Variants in SERPINB13 observed in about 807,000 individuals in gnomAD.
SERPINB13 encodes the protein serpin B13.
A neutral mutation model predicts 31.2 loss-of-function variants in SERPINB13; 26 were observed. That is an observed-to-expected ratio of 0.83 (90% CI 0.61 to 1.15). The LOEUF is 1.15. Ranked by LOEUF, SERPINB13 falls within the 50% of genes most tolerant of loss-of-function variation. SERPINB13 has a pLI of 0.00. For missense variants in SERPINB13, 510 were observed against 469.4 expected, an observed-to-expected ratio of 1.09 and a Z score of -0.80; for synonymous variants, 191 against 172.4, an observed-to-expected ratio of 1.11 and a Z score of -0.85.
chr18:63,594,065 C>A, intron 5 of SERPINB13: 1 of 974,484 alleles, frequency 1.0e-6, no homozygotes, highest in Non-Finnish European at 1.5e-6. Context: ...ATAACTTGCC[C>A]AAGATTCCTC....
intron 1 of SERPINB13, among the ~76,000 whole-genome samples, chr18:63,587,733 A>G (rs1172437070): frequency 6.6e-6 from 1 of 152,262 alleles, no homozygotes; most frequent in Non-Finnish European, 1.5e-5. Flanking sequence ...TTGAGGGCAA[A>G]AGGCCCCAAA....
Position 63,588,780 on chromosome 18 carries a change from T to G in SERPINB13, c.113T>G (p.Ile38Ser). Reference protein sequence around the residue: ...FFSPVGILTAIGMVLLGTRGA... With the variant: ...FFSPVGILTASGMVLLGTRGA... ...TCCCCTGTGGGCATCTTGACTGCAA[T>G]TGGCATGGTCCTCCTGGGGACCCGA... is the stretch of plus-strand genomic sequence containing the variant. Residue 38 changes from isoleucine (I) to serine (S), a missense_variant, in exon 2 of 8, where the codon ATT becomes AGT. Ile to Ser is a moderately radical substitution (Grantham distance 142). Coordinates refer to ENST00000344731, the MANE Select transcript of SERPINB13 (RefSeq NM_012397.4). 6.2e-7 allele frequency: 1 copy of G among 1,614,178 alleles called. No homozygotes were observed. Among genetic ancestry groups the G allele is most frequent in the Non-Finnish European group, 8.5e-7 (1 of 1,180,022 alleles).
At chr18:63,589,589 C>T (rs1568143509) in intron 2 of SERPINB13, 67 bp from the exon 3 acceptor site, 1 of 1,577,812 alleles carries the variant, frequency 6.3e-7, no homozygotes, top group African/African-American at 1.4e-5. Flanking sequence ...TCCACTCTCC[C>T]CTGACTGATT....
At chr18:63,591,108 G>GA (rs1228429404) in intron 3 of SERPINB13, among the ~76,000 whole-genome samples, 2 of 152,186 alleles carry the variant, frequency 1.3e-5, no homozygotes. Context: ...CCCTTAGGCT[G>GA]ATGTATAACA....
At chr18:63,596,502 T>C (rs1433726645) in intron 7 of SERPINB13, among the ~76,000 whole-genome samples, 9 of 152,248 alleles carry the variant, frequency 5.9e-5, no homozygotes, top group Admixed American at 5.9e-4. Flanking sequence ...GTAAAGTGAA[T>C]GAATAGCTAA....
chr18:63,588,885 G>A (rs990248161), intron 2 of SERPINB13, 53 bp downstream of exon 2: 23 of 1,420,760 alleles, frequency 1.6e-5, no homozygotes, highest in East Asian at 2.5e-5. Flanking sequence ...TTCATTTGGC[G>A]GGGGGGTTGT....
intron 3 of SERPINB13, among the ~76,000 whole-genome samples, chr18:63,591,655 G>A (rs1207258191): frequency 2.0e-5 from 3 of 151,992 alleles, no homozygotes; most frequent in Admixed American, 6.5e-5. Flanking sequence ...TAAGAACTTA[G>A]TATGAGAAAG....
At chr18:63,591,835 C>G (rs372052546) in intron 3 of SERPINB13, among the ~76,000 whole-genome samples, 2 of 151,990 alleles carry the variant, frequency 1.3e-5, no homozygotes, top group East Asian at 1.9e-4. Flanking sequence ...ATGGGTCCTA[C>G]ATAAAATATT....
chr18:63,595,077 T>G lies in SERPINB13; in HGVS notation c.664T>G (p.Phe222Val). Residue 222 changes from phenylalanine to valine, a missense_variant, in exon 7 of 8, where the codon TTC becomes GTC. Phe to Val is a conservative substitution (Grantham distance 50). Transcript: ENST00000344731. The part of the protein sequence containing the change: ...QMMTQSHSFS[F>V]TFLEDLQAKI... The stretch of plus-strand genomic sequence containing the variant: ...GATGACACAGAGCCATTCCTTTAGC[T>G]TCACTTTCCTGGAGGACTTGCAGGC... 1 of 1,614,180 alleles carries G rather than the reference T, an allele frequency of 6.2e-7. No homozygotes were observed. The highest frequency in any genetic ancestry group is 8.5e-7 in the Non-Finnish European group (1 of 1,180,004).
rs772978330 is a variant in SERPINB13, at chr18:63,595,046, A to G, written c.633A>G (p.Val211=). The G allele has an allele frequency of 1.2e-6, 2 of 1,613,008 alleles. No homozygotes were observed. Among genetic ancestry groups the G allele is most frequent in the Non-Finnish European group, 1.7e-6 (2 of 1,179,588 alleles). Residue 211 remains valine (V), a synonymous_variant, in exon 7 of 8, where the codon GTA becomes GTG. Coordinates refer to ENST00000344731, the MANE Select transcript of SERPINB13 (RefSeq NM_012397.4). Reference sequence around the variant, plus strand: ...TGTTGCAGAGCACAAGTAAATCTGTACAGATGATGACACAGAGCCATTCCT... The same window carrying G: ...TGTTGCAGAGCACAAGTAAATCTGTGCAGATGATGACACAGAGCCATTCCT... The part of the protein sequence containing the change: ...FWMNKSTSKS[V]QMMTQSHSFS...
Position 63,597,366 on chromosome 18 carries a change from T to A in SERPINB13, c.*3T>A, listed in dbSNP as rs541059817. 6.2e-7 allele frequency: 1 copy of A among 1,602,504 alleles called. No homozygotes were observed. Among genetic ancestry groups the A allele is most frequent in the East Asian group, 2.2e-5 (1 of 44,650 alleles). ...TCGGCAGATTTTCTTCTCCTTAAGA[T>A]GATCGTTGCCATGGCATTGCTGCTT... is the stretch of plus-strand genomic sequence containing the variant. On this transcript the variant is annotated 3_prime_UTR_variant, in exon 8 of 8. Coordinates refer to ENST00000344731, the MANE Select transcript of SERPINB13 (RefSeq NM_012397.4).
At position 63,595,096 on chromosome 18, in the gene SERPINB13, T is replaced by C. The variant is rs141535092; in HGVS notation, c.683T>C (p.Leu228Ser). Reference sequence around the variant, plus strand: ...TTTAGCTTCACTTTCCTGGAGGACTTGCAGGCCAAAATTCTAGGGATTCCA... The same window carrying C: ...TTTAGCTTCACTTTCCTGGAGGACTCGCAGGCCAAAATTCTAGGGATTCCA... ...HSFSFTFLEDLQAKILGIPYK... is the reference protein window; with the variant it reads ...HSFSFTFLEDSQAKILGIPYK... The change falls in exon 7 of 8, where the codon TTG (leucine) becomes TCG (serine). Residue 228 changes from leucine to serine, a missense_variant. Coordinates refer to ENST00000344731, the MANE Select transcript of SERPINB13 (RefSeq NM_012397.4). 6 of 1,614,150 alleles carry C rather than the reference T, an allele frequency of 3.7e-6. No homozygotes were observed. In the South Asian group the frequency reaches 6.6e-5, roughly 18 times the overall value.
Position 63,595,049 on chromosome 18 carries a change from G to A in SERPINB13, c.636G>A (p.Gln212=). The change falls in exon 7 of 8, where the codon CAG becomes CAA. Residue 212 remains glutamine, a synonymous_variant. Transcript: ENST00000344731. ...WMNKSTSKSV[Q]MMTQSHSFSF... ...TGCAGAGCACAAGTAAATCTGTACA[G>A]ATGATGACACAGAGCCATTCCTTTA... 1 of 1,613,528 alleles carries A rather than the reference G, an allele frequency of 6.2e-7. No individual in the cohort carries two copies. The highest frequency in any genetic ancestry group is 8.5e-7 in the Non-Finnish European group (1 of 1,179,762).
intron 3 of SERPINB13, among the ~76,000 whole-genome samples, chr18:63,591,189 T>G (rs1039430117): frequency 7.9e-5 from 12 of 152,328 alleles, no homozygotes; most frequent in African/African-American, 2.2e-4. Flanking sequence ...GTGTTCATTA[T>G]TCCCACGTAT....
At chr18:63,590,306 T>C (rs1224396175) in intron 3 of SERPINB13, among the ~76,000 whole-genome samples, 1 of 152,140 alleles carries the variant, frequency 6.6e-6, no homozygotes, top group Admixed American at 6.5e-5. Context: ...GAGAGTCTAC[T>C]CAAATATGGG....
In SERPINB13 at chr18:63,597,079, G is replaced by A; in HGVS notation, c.892G>A (p.Ala298Thr). The A allele has an allele frequency of 6.2e-7, 1 of 1,614,190 alleles. No individual in the cohort carries two copies. Among genetic ancestry groups the A allele is most frequent in the South Asian group, 1.1e-5 (1 of 91,082 alleles). The change falls in exon 8 of 8, where the codon GCG becomes ACG. Residue 298 changes from alanine (A) to threonine (T), a missense_variant. Transcript: ENST00000344731. Reference protein sequence around the residue: ...FEVEDGYDLEAVLAAMGMGDA... With the variant: ...FEVEDGYDLETVLAAMGMGDA... ...GGTGGAGGACGGTTACGATCTAGAG[G>A]CGGTCCTGGCTGCCATGGGGATGGG... is the stretch of plus-strand genomic sequence containing the variant.
intron 1 of SERPINB13, among the ~76,000 whole-genome samples, chr18:63,588,105 C>A (rs1225060779): frequency 6.6e-6 from 1 of 152,176 alleles, no homozygotes; most frequent in Non-Finnish European, 1.5e-5. Flanking sequence ...TTAATCAATC[C>A]TGTCACTCTC....
chr18:63,597,153 C>A lies in SERPINB13; in HGVS notation c.966C>A (p.Gly322=), dbSNP rs774205578. 6.2e-7 allele frequency: 1 copy of A among 1,614,216 alleles called. No individual in the cohort carries two copies. Among genetic ancestry groups the A allele is most frequent in the South Asian group, 1.1e-5 (1 of 91,086 alleles). Reference sequence around the variant, plus strand: ...CCGACTACTCGGGAATGTCGTCAGGCTCCGGGTTGTACGCCCAGAAGTTCC... The same window carrying A: ...CCGACTACTCGGGAATGTCGTCAGGATCCGGGTTGTACGCCCAGAAGTTCC... The part of the protein sequence containing the change: ...HKADYSGMSS[G]SGLYAQKFLH... Residue 322 remains glycine (G), a synonymous_variant, in exon 8 of 8, where the codon GGC becomes GGA. Coordinates refer to ENST00000344731, the MANE Select transcript of SERPINB13 (RefSeq NM_012397.4).
chr18:63,591,799 A>G (rs1351152368), intron 3 of SERPINB13, among the ~76,000 whole-genome samples: 2 of 152,112 alleles, frequency 1.3e-5, no homozygotes, highest in Admixed American at 1.3e-4. Context: ...GTAACATAGA[A>G]TATGAAAACT....
Sources: gnomAD v4.1 joint callset for allele counts (sites outside exome capture counted in the v4.1 genomes callset) on GRCh38, gnomAD v4.1.1 for gene constraint, MANE v1.5 for transcripts, NCBI Gene and HGNC (gene_info 2026-07-23, HGNC 2026-07-21) for gene names.